CSMD1: variants seen among roughly 807,000 people sequenced by gnomAD.
The protein encoded by CSMD1 is CUB and sushi domain-containing protein 1.
CSMD1 carries 213 observed loss-of-function variants against 417.5 expected under a neutral mutation model. The ratio of observed to expected loss-of-function variants is 0.51; its 90% CI spans 0.46 to 0.57. CSMD1 has a LOEUF of 0.57. Ranked by LOEUF, CSMD1 falls within the 20% of genes least tolerant of loss-of-function variation. The pLI, the probability that CSMD1 is intolerant of heterozygous loss-of-function variation, is 0.00. For synonymous variants in CSMD1, 2,862 were observed against 1,736.8 expected, an observed-to-expected ratio of 1.65 and a Z score of -16.11; for missense variants, 6,923 against 4,529.7, an observed-to-expected ratio of 1.53 and a Z score of -15.17.
chr8:4,291,269 A>G (rs1797344826), intron 3 of CSMD1, among the ~76,000 whole-genome samples: 1 of 152,162 alleles, frequency 6.6e-6, no homozygotes, highest in Non-Finnish European at 1.5e-5. Flanking sequence ...AAAATATTCA[A>G]AAGGATAAAT....
intron 26 of CSMD1, among the ~76,000 whole-genome samples, chr8:3,259,625 C>G (rs904418813): frequency 6.6e-6 from 1 of 152,052 alleles, no homozygotes; most frequent in East Asian, 1.9e-4. Flanking sequence ...CAAATTCCTC[C>G]TCGAGATTTT....
At chr8:3,919,620 C>G (rs891922811) in intron 5 of CSMD1, among the ~76,000 whole-genome samples, 6 of 152,016 alleles carry the variant, frequency 3.9e-5, no homozygotes, top group African/African-American at 1.4e-4. Flanking sequence ...TATCTCTGGT[C>G]TTTTGTGATT....
intron 2 of CSMD1, among the ~76,000 whole-genome samples, chr8:4,440,441 A>C (rs1041836975): frequency 1.3e-5 from 2 of 152,114 alleles, no homozygotes; most frequent in Non-Finnish European, 2.9e-5. Context: ...CCCAGCACAA[A>C]ATCATTGTTC....
At chr8:4,015,389 C>G (rs1024146385) in intron 4 of CSMD1, among the ~76,000 whole-genome samples, 1 of 152,060 alleles carries the variant, frequency 6.6e-6, no homozygotes, top group African/African-American at 2.4e-5. Context: ...TAGCAGAATG[C>G]CTATGATTAA....
At chr8:4,603,367 C>A (rs1050836724) in intron 2 of CSMD1, among the ~76,000 whole-genome samples, 1 of 151,944 alleles carries the variant, frequency 6.6e-6, no homozygotes, top group Non-Finnish European at 1.5e-5. Flanking sequence ...CATATCAAAA[C>A]ATTATATATT....
chr8:4,373,131 T>C (rs1227833871), intron 3 of CSMD1, among the ~76,000 whole-genome samples: 3 of 152,080 alleles, frequency 2.0e-5, no homozygotes, highest in African/African-American at 7.2e-5. Context: ...GAGAAAAACA[T>C]CAGACACCTC....
At position 4,637,428 on chromosome 8, in the gene CSMD1, C is replaced by A. The variant is rs764345698; in HGVS notation, c.216G>T (p.Leu72Phe). Reference protein sequence around the residue: ...IITGERNRIQLSFHTFALEED... With the variant: ...IITGERNRIQFSFHTFALEED... ...CTTCAAGAGCAAAGGTATGGAAGGACAACTGTATCCTATTGCGCTCGCCCG... is the reference window on the plus strand; with the variant it reads ...CTTCAAGAGCAAAGGTATGGAAGGAAAACTGTATCCTATTGCGCTCGCCCG... Residue 72 changes from leucine to phenylalanine, a missense_variant, in exon 2 of 70, where the codon TTG (leucine) becomes TTT (phenylalanine). Leu to Phe is a conservative substitution (Grantham distance 22). Coordinates refer to ENST00000635120, the MANE Select transcript of CSMD1 (RefSeq NM_033225.6). 2.5e-6 allele frequency: 4 copies of A among 1,613,852 alleles called. 1 individual carries two copies. The highest frequency in any genetic ancestry group is 1.1e-5 in the South Asian group (1 of 91,080).
intron 5 of CSMD1, among the ~76,000 whole-genome samples, chr8:3,834,479 C>T (rs541103565): frequency 6.6e-6 from 1 of 152,176 alleles, no homozygotes; most frequent in Non-Finnish European, 1.5e-5. Context: ...TGTGTTGTTC[C>T]AGGTCAGTAC....
At chr8:4,768,463 G>C (rs1457434655) in intron 1 of CSMD1, among the ~76,000 whole-genome samples, 1 of 152,206 alleles carries the variant, frequency 6.6e-6, no homozygotes, top group Non-Finnish European at 1.5e-5. Context: ...ATTATTTGCA[G>C]TTGATTCTCT....
chr8:4,397,384 A>G (rs1804312587), intron 3 of CSMD1, among the ~76,000 whole-genome samples: 2 of 152,182 alleles, frequency 1.3e-5, no homozygotes, highest in African/African-American at 4.8e-5. Context: ...TCTTAAGTGG[A>G]AAAGAGAAGT....
At chr8:4,268,542 T>A (rs928165561) in intron 3 of CSMD1, among the ~76,000 whole-genome samples, 2 of 152,272 alleles carry the variant, frequency 1.3e-5, no homozygotes, top group African/African-American at 4.8e-5. Flanking sequence ...TTAAATTTTA[T>A]TTCACTTACT....
intron 19 of CSMD1, 26 bp from the exon 20 acceptor site, chr8:3,367,273 G>A (rs531521793): frequency 4.0e-6 from 6 of 1,494,768 alleles, no homozygotes; most frequent in African/African-American, 1.4e-5. Context: ...GGGGGAGAGA[G>A]AGAGAGACAG....
At chr8:4,053,916 A>G (rs1023681718) in intron 3 of CSMD1, among the ~76,000 whole-genome samples, 17 of 152,216 alleles carry the variant, frequency 1.1e-4, no homozygotes, top group African/African-American at 4.1e-4. Flanking sequence ...AAGGGAAAAT[A>G]AAAATGTATT....
chr8:3,869,985 T>G (rs1805369968), intron 5 of CSMD1, among the ~76,000 whole-genome samples: 1 of 151,792 alleles, frequency 6.6e-6, no homozygotes, highest in Non-Finnish European at 1.5e-5. Context: ...ACAATAATAA[T>G]ACATAACTAG....
chr8:4,109,882 CTCA>C (rs2130906910), intron 3 of CSMD1, among the ~76,000 whole-genome samples: 1 of 152,166 alleles, frequency 6.6e-6, no homozygotes, highest in South Asian at 2.1e-4. Flanking sequence ...TGTGCTTTTT[CTCA>C]TAATAAAGTT....
At chr8:4,017,254 C>T (rs572728013) in intron 4 of CSMD1, among the ~76,000 whole-genome samples, 1 of 152,054 alleles carries the variant, frequency 6.6e-6, no homozygotes, top group African/African-American at 2.4e-5. Context: ...CAATTCAAGG[C>T]TATGCAATTC....
chr8:3,909,294 C>T (rs1334406155), intron 5 of CSMD1, among the ~76,000 whole-genome samples: 1 of 152,280 alleles, frequency 6.6e-6, no homozygotes, highest in East Asian at 1.9e-4. Flanking sequence ...TCATTGAAGT[C>T]TGTAACTTTT....
At chr8:3,134,103 T>TA (rs1817944696) in intron 41 of CSMD1, among the ~76,000 whole-genome samples, 1 of 151,664 alleles carries the variant, frequency 6.6e-6, no homozygotes, top group Non-Finnish European at 1.5e-5. Flanking sequence ...ACCAGGGAGT[T>TA]AGAGGTTGCA....
At chr8:3,847,335 A>T (rs903045475) in intron 5 of CSMD1, among the ~76,000 whole-genome samples, 40 of 152,178 alleles carry the variant, frequency 2.6e-4, no homozygotes, top group Admixed American at 1.3e-4. Context: ...AACCCTTAAA[A>T]GTGTTCCAAG....
Sources: gnomAD v4.1 joint callset for allele counts (sites outside exome capture counted in the v4.1 genomes callset) on GRCh38, gnomAD v4.1.1 for gene constraint, MANE v1.5 for transcripts, NCBI Gene and HGNC (gene_info 2026-07-23, HGNC 2026-07-21) for gene names.